The following GRM7 variants were observed in gnomAD, a reference collection of about 807,000 sequenced individuals.
GRM7 encodes the protein metabotropic glutamate receptor 7.
Under a neutral mutation model 84.5 loss-of-function variants are expected in GRM7, and 35 were observed. That is an observed-to-expected ratio of 0.41 (90% CI 0.32 to 0.55). The LOEUF (loss-of-function observed/expected upper bound fraction) is 0.55, where lower values mean the gene tolerates loss of function less well. Ranked by LOEUF, GRM7 falls within the 20% of genes least tolerant of loss-of-function variation. GRM7 has a pLI of 0.19. For synonymous variants in GRM7, 487 were observed against 455.1 expected (o/e 1.07, Z -0.89); for missense variants, 1,003 against 1,194.6 (o/e 0.84, Z 2.36).
intron 8 of GRM7, among the ~76,000 whole-genome samples, chr3:7,618,036 T>C (rs1028896788): frequency 1.3e-5 from 2 of 152,142 alleles, no homozygotes; most frequent in Non-Finnish European, 2.9e-5. Context: ...GAGCAGTGGT[T>C]AGAAATACCT....
At chr3:7,680,691 T>G (rs2125141281) in intron 9 of GRM7, 1 of 182,778 alleles carries the variant, frequency 5.5e-6, no homozygotes, top group South Asian at 1.3e-4. Flanking sequence ...TTAATTAGGA[T>G]TTTGGAAGCG....
At chr3:7,617,873 T>A (rs1331717971) in intron 8 of GRM7, among the ~76,000 whole-genome samples, 1 of 152,090 alleles carries the variant, frequency 6.6e-6, no homozygotes. Context: ...AACCCATCAA[T>A]CAATAAATAG....
At chr3:7,521,933 C>A (rs1442941031) in intron 7 of GRM7, among the ~76,000 whole-genome samples, 1 of 152,160 alleles carries the variant, frequency 6.6e-6, no homozygotes, top group East Asian at 1.9e-4. Context: ...CACCTGCCTC[C>A]ACATACCACA....
intron 1 of GRM7, among the ~76,000 whole-genome samples, chr3:7,025,379 A>C (rs1207119118): frequency 1.3e-5 from 2 of 152,240 alleles, no homozygotes; most frequent in Non-Finnish European, 2.9e-5. Flanking sequence ...TAGAAACTTC[A>C]GGCCAATGCA....
At chr3:7,056,689 A>G (rs559758339) in intron 1 of GRM7, among the ~76,000 whole-genome samples, 1 of 152,000 alleles carries the variant, frequency 6.6e-6, no homozygotes, top group African/African-American at 2.4e-5. Context: ...GAGGTCTCCA[A>G]AAAAAACTGT....
At chr3:7,501,164 C>T (rs1699870723) in intron 7 of GRM7, among the ~76,000 whole-genome samples, 1 of 152,164 alleles carries the variant, frequency 6.6e-6, no homozygotes, top group Non-Finnish European at 1.5e-5. Flanking sequence ...CCATGCATTA[C>T]TTCTTCTGAT....
chr3:7,136,183 C>T (rs981125498), intron 1 of GRM7, among the ~76,000 whole-genome samples: 3 of 149,446 alleles, frequency 2.0e-5, no homozygotes, highest in Admixed American at 6.7e-5. Flanking sequence ...TATTTTTATT[C>T]ATTTTTTTTT....
chr3:7,307,864 TC>T (rs1403416520), intron 4 of GRM7, among the ~76,000 whole-genome samples: 1 of 152,162 alleles, frequency 6.6e-6, no homozygotes, highest in East Asian at 1.9e-4. Flanking sequence ...CTCAAAATTC[TC>T]ACCCTCAAAG....
chr3:6,967,797 C>T (rs1255522375), intron 1 of GRM7, among the ~76,000 whole-genome samples: 6 of 152,162 alleles, frequency 3.9e-5, no homozygotes, highest in East Asian at 1.9e-4. Context: ...AGCTGGAATC[C>T]TCATTCTGCC....
At chr3:7,578,275 A>G in intron 7 of GRM7, 147 bp from the exon 8 acceptor site, 1 of 615,090 alleles carries the variant, frequency 1.6e-6, no homozygotes, top group Admixed American at 3.0e-5. Flanking sequence ...GGCTCAAATC[A>G]TACTTGTAAC....
At chr3:7,625,291 T>G (rs910602685) in intron 8 of GRM7, among the ~76,000 whole-genome samples, 28 of 152,172 alleles carry the variant, frequency 1.8e-4, no homozygotes, top group African/African-American at 5.5e-4. Flanking sequence ...CAAACAAGAT[T>G]CGCTTGAGGA....
At chr3:7,393,379 C>T (rs1032363084) in intron 4 of GRM7, among the ~76,000 whole-genome samples, 5 of 152,080 alleles carry the variant, frequency 3.3e-5, no homozygotes, top group African/African-American at 4.8e-5. Context: ...CCTAGTGAGT[C>T]GAGGGTTTCT....
chr3:7,382,097 A>G (rs1013907945), intron 4 of GRM7, among the ~76,000 whole-genome samples: 11 of 152,206 alleles, frequency 7.2e-5, no homozygotes, highest in Non-Finnish European at 1.5e-4. Context: ...GAAATTCTTT[A>G]TAATGATCCT....
At chr3:7,052,720 G>GTTTTTTTTTTTTTTTTTT (rs372132445) in intron 1 of GRM7, among the ~76,000 whole-genome samples, 12 of 101,530 alleles carry the variant, frequency 1.2e-4, no homozygotes, top group African/African-American at 4.5e-4. Flanking sequence ...AGTATCGGTA[G>GTTTTTTTTTTTTTTTTTT]TTTTTTTTTT....
intron 1 of GRM7, among the ~76,000 whole-genome samples, chr3:7,114,106 G>A (rs1309185014): frequency 1.3e-5 from 2 of 152,234 alleles, no homozygotes; most frequent in African/African-American, 4.8e-5. Flanking sequence ...GTAAAGATGT[G>A]TGACTTAATG....
At chr3:7,115,720 G>A (rs1211758158) in intron 1 of GRM7, among the ~76,000 whole-genome samples, 3 of 152,056 alleles carry the variant, frequency 2.0e-5, no homozygotes, top group Non-Finnish European at 2.9e-5. Context: ...ACTAATCATG[G>A]AGAGGGCCTA....
chr3:6,922,124 A>G lies in GRM7; in HGVS notation c.519+60217A>G, dbSNP rs149089178. Among the ~76,000 whole-genome samples, 9 of 152,246 alleles carry G rather than the reference A, an allele frequency of 5.9e-5. 1 individual carries two copies. The East Asian group carries it at 1.7e-3, about 29-fold the overall frequency. On this transcript the variant is annotated intron_variant, in intron 1 of 9. Transcript: ENST00000357716. Reference sequence around the variant, plus strand: ...TCTGACATGCTTGATTCCTTTTTTTATAGATGTGCAACTGAAGCAGAAGCT... The same window carrying G: ...TCTGACATGCTTGATTCCTTTTTTTGTAGATGTGCAACTGAAGCAGAAGCT...
intron 4 of GRM7, among the ~76,000 whole-genome samples, chr3:7,320,502 G>C (rs1700736777): frequency 6.6e-6 from 1 of 151,970 alleles, no homozygotes; most frequent in Admixed American, 6.6e-5. Flanking sequence ...TTGGAGATAA[G>C]GGCAGTTGTG....
At position 7,029,124 on chromosome 3, in the gene GRM7, T is replaced by G. The variant is rs150743287; in HGVS notation, c.520-117328T>G. Among the ~76,000 whole-genome samples the G allele has an allele frequency of 1.8e-3, 270 of 152,182 alleles. 4 individuals are homozygous for G. The East Asian group carries it at 0.026, about 15-fold the overall frequency. ...TTCAAGACCAGCCTGGCTAACATGG[T>G]GAAACCCTGTCTCAACTAAAAATAC... On this transcript the variant is annotated intron_variant, in intron 1 of 9. Transcript: ENST00000357716.
Sources: gnomAD v4.1 joint callset for allele counts (sites outside exome capture counted in the v4.1 genomes callset) on GRCh38, gnomAD v4.1.1 for gene constraint, MANE v1.5 for transcripts, NCBI Gene and HGNC (gene_info 2026-07-23, HGNC 2026-07-21) for gene names.